The following UNC79 variants were observed in gnomAD, a reference collection of about 807,000 sequenced individuals.
UNC79 encodes the protein protein unc-79 homolog.
Under a neutral mutation model 283.1 loss-of-function variants are expected in UNC79, and 37 were observed. The ratio of observed to expected loss-of-function variants is 0.13; its 90% confidence interval spans 0.10 to 0.17. The LOEUF is 0.17. Among genes scored for constraint, UNC79 ranks in the 10% least tolerant of loss-of-function variants. The probability of loss-of-function intolerance (pLI) is 1.00; values close to 1 mark genes in which losing one functional copy is unlikely to be tolerated. For synonymous variants in UNC79, 1,107 were observed against 1,200.2 expected (o/e 0.92, Z 1.61); for missense variants, 2,272 against 3,211.1 (o/e 0.71, Z 7.07).
chr14:93,638,637 T>C (rs2140167440), intron 32 of UNC79, among the ~76,000 whole-genome samples: 1 of 152,320 alleles, frequency 6.6e-6, no homozygotes, highest in South Asian at 2.1e-4. Context: ...CCCCTCTTCA[T>C]TCAAATTTCT....
chr14:93,491,332 CTT>C lies in UNC79; in HGVS notation c.712+3578_712+3579del, dbSNP rs1491280129. Among the ~76,000 whole-genome samples the C allele has an allele frequency of 6.6e-5, 10 of 151,592 alleles. No homozygotes were observed. In the South Asian group the frequency reaches 2.1e-3, roughly 32 times the overall value. ...AAATATATATATGGGGAAATTATATCTTATATATCTGTCTGGCTTAAAATAAT... is the reference window on the plus strand; with the variant it reads ...AAATATATATATGGGGAAATTATATCATATATCTGTCTGGCTTAAAATAAT... On this transcript the variant is annotated intron_variant, in intron 5 of 48. Coordinates refer to ENST00000555664, the Ensembl canonical transcript of UNC79.
At chr14:93,659,415 G>T (rs1225294881) in intron 39 of UNC79, among the ~76,000 whole-genome samples, 154 bp downstream of exon 42, 1 of 152,086 alleles carries the variant, frequency 6.6e-6, no homozygotes, top group Non-Finnish European at 1.5e-5. Flanking sequence ...TCAGTGCCTT[G>T]TATAAAGAAC....
chr14:93,627,843 G>A (rs11621100), intron 30 of UNC79, among the ~76,000 whole-genome samples: 2,277 of 152,220 alleles, frequency 0.015, 37 homozygotes, highest in South Asian at 0.076. Context: ...ACATTTAACT[G>A]AGCATCTTCT....
chr14:93,365,284 C>G (rs961335742), intron 1 of UNC79, among the ~76,000 whole-genome samples: 2 of 149,810 alleles, frequency 1.3e-5, no homozygotes, highest in Non-Finnish European at 3.0e-5. Flanking sequence ...TACTTGAAGG[C>G]TGAGGCAGGA....
intron 35 of UNC79, among the ~76,000 whole-genome samples, chr14:93,650,584 G>A (rs758773839): frequency 2.2e-4 from 34 of 152,162 alleles, no homozygotes; most frequent in Non-Finnish European, 4.0e-4. Context: ...GACCCATTGC[G>A]TATATTCTTT....
rs759638649 is a variant in UNC79 at position 93,528,664 on chromosome 14, TAAA to T, written c.1052+19_1052+21del. The T allele has an allele frequency of 6.2e-7, 1 of 1,607,130 alleles. No individual in the cohort carries two copies. Among genetic ancestry groups the T allele is most frequent in the Non-Finnish European group, 8.5e-7 (1 of 1,174,802 alleles). On this transcript the variant is annotated intron_variant, in intron 9 of 48. Transcript: ENST00000555664. ...ATTGCAGGGTAGGTATAAGAGTTCT[TAAA>T]GAAAAGGAAATAGGACAACAATAAG...
chr14:93,357,696 T>G (rs1354236284), intron 1 of UNC79, among the ~76,000 whole-genome samples: 15 of 116,888 alleles, frequency 1.3e-4, no homozygotes, highest in African/African-American at 5.7e-4. Context: ...TATATATATA[T>G]ATATATATAT....
At chr14:93,469,366 G>A (rs993920615) in intron 2 of UNC79, among the ~76,000 whole-genome samples, 1 of 152,124 alleles carries the variant, frequency 6.6e-6, no homozygotes, top group African/African-American at 2.4e-5. Context: ...ACATCAACAT[G>A]TACTGCTAAT....
At chr14:93,539,607 A>G (rs2061278473) in intron 12 of UNC79, among the ~76,000 whole-genome samples, 1 of 152,156 alleles carries the variant, frequency 6.6e-6, no homozygotes, top group Non-Finnish European at 1.5e-5. Flanking sequence ...CTCTTATCCC[A>G]GTGGCTGACA....
intron 48 of UNC79, among the ~76,000 whole-genome samples, chr14:93,705,052 T>C (rs1334355140): frequency 6.6e-6 from 1 of 151,990 alleles, no homozygotes; most frequent in Non-Finnish European, 1.5e-5. Context: ...CTGGGCAACA[T>C]AGCGAGACCC....
chr14:93,683,314 G>A (rs2073986352), intron 42 of UNC79, among the ~76,000 whole-genome samples: 1 of 152,154 alleles, frequency 6.6e-6, no homozygotes, highest in Non-Finnish European at 1.5e-5. Context: ...TCCATTATGT[G>A]CAGTCCGCTG....
chr14:93,580,061 A>G (rs904281957), intron 18 of UNC79, 88 bp from the exon 19 acceptor site: 75 of 1,184,800 alleles, frequency 6.3e-5, no homozygotes, highest in Non-Finnish European at 7.6e-5. Context: ...TAGTGTGCCA[A>G]TGGAATATTG....
chr14:93,564,755 T>C (rs1047767786), intron 14 of UNC79, among the ~76,000 whole-genome samples: 2 of 137,920 alleles, frequency 1.5e-5, no homozygotes, highest in African/African-American at 2.5e-5. Flanking sequence ...GGTTGTTCTC[T>C]GGCTGGCAGG....
At chr14:93,580,862 T>A (rs1417142262) in intron 19 of UNC79, among the ~76,000 whole-genome samples, 13 of 152,074 alleles carry the variant, frequency 8.5e-5, no homozygotes, top group Admixed American at 8.5e-4. Context: ...CCCACCACCA[T>A]GCCTGGCTAA....
chr14:93,347,152 C>G (rs2053859225), intron 1 of UNC79: 1 of 1,259,432 alleles, frequency 7.9e-7, no homozygotes, highest in South Asian at 1.5e-5. Context: ...GGCAGAGCGC[C>G]CCCTCGTGGC....
intron 1 of UNC79, among the ~76,000 whole-genome samples, chr14:93,391,332 CCACGTGGGTTGT>C (rs2054878658): frequency 6.6e-6 from 1 of 152,094 alleles, no homozygotes; most frequent in African/African-American, 2.4e-5. Flanking sequence ...GACATCAATT[CCACGTGGGTTGT>C]AGGCATGAAG....
chr14:93,404,515 A>ATATATATATATATATATATAAAT (rs1566915302), intron 1 of UNC79, among the ~76,000 whole-genome samples: 2 of 76,830 alleles, frequency 2.6e-5, no homozygotes, highest in Non-Finnish European at 5.5e-5. Flanking sequence ...TATATATATA[A>ATATATATATATATATATATAAAT]ATATATACAT....
At chr14:93,656,250 C>T (rs1479798993) in intron 38 of UNC79, among the ~76,000 whole-genome samples, 4 of 152,052 alleles carry the variant, frequency 2.6e-5, no homozygotes, top group African/African-American at 9.7e-5. Context: ...TTGAACCTGA[C>T]CTGTTCCATG....
chr14:93,389,305 G>A (rs67843761), intron 1 of UNC79, among the ~76,000 whole-genome samples: 12,772 of 152,164 alleles, frequency 0.084, 589 homozygotes, highest in Middle Eastern at 0.14. Flanking sequence ...CAGAGCTACA[G>A]GGTTATGGTT....
Sources: gnomAD v4.1 joint callset for allele counts (sites outside exome capture counted in the v4.1 genomes callset) on GRCh38, gnomAD v4.1.1 for gene constraint, MANE v1.5 for transcripts, NCBI Gene and HGNC (gene_info 2026-07-23, HGNC 2026-07-21) for gene names.